The following DENND5B variants were observed in gnomAD, a reference collection of about 807,000 sequenced individuals.
DENND5B encodes DENN domain containing 5B.
A neutral mutation model predicts 140.6 loss-of-function variants in DENND5B; 34 were observed. That is an observed-to-expected ratio of 0.24 (90% CI 0.18 to 0.32). The LOEUF (loss-of-function observed/expected upper bound fraction) is 0.32. Ranked by LOEUF, DENND5B falls within the 10% of genes least tolerant of loss-of-function variation. The probability of loss-of-function intolerance (pLI) is 1.00; values close to 1 mark genes in which losing one functional copy is unlikely to be tolerated. For synonymous variants in DENND5B, 551 were observed against 562.1 expected, an observed-to-expected ratio of 0.98 and a Z score of 0.28; for missense variants, 1,142 against 1,560.2, an observed-to-expected ratio of 0.73 and a Z score of 4.52.
intron 1 of DENND5B, among the ~76,000 whole-genome samples, chr12:31,529,561 A>C (rs192959202): frequency 4.6e-5 from 7 of 152,224 alleles, no homozygotes; most frequent in Non-Finnish European, 8.8e-5. Context: ...TAGGCTGGGC[A>C]CGGTGGCTCA....
At chr12:31,460,002 GT>G (rs1239944362) in intron 4 of DENND5B, among the ~76,000 whole-genome samples, 191 bp downstream of exon 4, 1 of 152,174 alleles carries the variant, frequency 6.6e-6, no homozygotes, top group Non-Finnish European at 1.5e-5. Flanking sequence ...TTTAAACCAG[GT>G]TTAATGACTA....
In DENND5B at chr12:31,382,722, T is replaced by G. The variant is rs867264517; in HGVS notation, c.*4881A>C. 1.3e-5 allele frequency: 2 copies of G among 152,038 alleles called. No homozygotes were observed. Among genetic ancestry groups the G allele is most frequent in the Non-Finnish European group, 2.9e-5 (2 of 67,990 alleles). The allele number at this position is 152,038 out of a possible 1,614,324, so 9.4% of individuals were successfully genotyped here. On this transcript the variant is annotated 3_prime_UTR_variant, in exon 21 of 21. Transcript: ENST00000389082. ...AGGAAAAATTTTATTTGAGGTTTTT[T>G]TTTTTTCCTCTAGCTTGATGTGATA...
intron 1 of DENND5B, among the ~76,000 whole-genome samples, chr12:31,570,513 G>C (rs531018525): frequency 2.9e-4 from 44 of 149,774 alleles, no homozygotes; most frequent in Non-Finnish European, 6.0e-4. Context: ...TCCTGACCTC[G>C]TGATCCACCC....
intron 1 of DENND5B, among the ~76,000 whole-genome samples, chr12:31,535,709 A>T (rs1220185351): frequency 6.6e-6 from 1 of 152,208 alleles, no homozygotes; most frequent in Non-Finnish European, 1.5e-5. Flanking sequence ...CAAAGACTAC[A>T]GTAAATACCT....
intron 1 of DENND5B, among the ~76,000 whole-genome samples, chr12:31,497,294 T>C (rs973857511): frequency 5.3e-5 from 8 of 152,240 alleles, no homozygotes; most frequent in African/African-American, 1.2e-4. Flanking sequence ...TAATGATCAT[T>C]ATTTTCTTTA....
intron 1 of DENND5B, among the ~76,000 whole-genome samples, chr12:31,541,772 C>T (rs1042717478): frequency 3.9e-5 from 6 of 152,266 alleles, no homozygotes; most frequent in Admixed American, 6.5e-5. Context: ...GCACTATTCA[C>T]AATAGCTAAG....
intron 1 of DENND5B, among the ~76,000 whole-genome samples, chr12:31,538,001 A>G (rs563453343): frequency 6.6e-6 from 1 of 152,330 alleles, no homozygotes; most frequent in Admixed American, 6.5e-5. Flanking sequence ...ACCCAGATAC[A>G]TAAAGCAAAT....
At position 31,508,534 on chromosome 12, in the gene DENND5B, T is replaced by C. The variant is rs1947291582; in HGVS notation, c.128-12615A>G. Reference sequence around the variant, plus strand: ...TGAAATTATCCTAACATGAGCAAACTGGGCTAAATATGTTAGAAACGAGAC... The same window carrying C: ...TGAAATTATCCTAACATGAGCAAACCGGGCTAAATATGTTAGAAACGAGAC... On this transcript the variant is annotated intron_variant, in intron 1 of 20. Transcript: ENST00000389082. Among the ~76,000 whole-genome samples the C allele has an allele frequency of 2.0e-5, 3 of 152,292 alleles. 1 individual carries two copies. In the South Asian group the frequency reaches 6.2e-4, roughly 32 times the overall value.
At chr12:31,531,555 T>C (rs1215973934) in intron 1 of DENND5B, among the ~76,000 whole-genome samples, 3 of 152,224 alleles carry the variant, frequency 2.0e-5, no homozygotes, top group East Asian at 1.9e-4. Flanking sequence ...GATTTTTTTT[T>C]CTGAGATGAA....
Position 31,580,405 on chromosome 12 carries a change from C to A in DENND5B, c.127+10301G>T, listed in dbSNP as rs1415575719. On this transcript the variant is annotated intron_variant, in intron 1 of 20. Transcript: ENST00000389082. ...CTGTTAGATACCTTTTTTTAGAAAT[C>A]ATTTATCCATTATCTTGCTTTTTCA... Among the ~76,000 whole-genome samples the A allele has an allele frequency of 4.6e-5, 7 of 152,140 alleles. No individual in the cohort carries two copies. In the East Asian group the frequency reaches 1.2e-3, roughly 25 times the overall value.
chr12:31,578,126 CAAAAAAAAAAAAAAA>C (rs5797421), intron 1 of DENND5B, among the ~76,000 whole-genome samples: 3 of 77,354 alleles, frequency 3.9e-5, no homozygotes, highest in Admixed American at 1.7e-4. Context: ...GACGCTGTCT[CAAAAAAAAAAAAAAA>C]AAAAAAAAAA....
chr12:31,438,056 A>C (rs994756080), intron 7 of DENND5B, among the ~76,000 whole-genome samples: 29 of 152,260 alleles, frequency 1.9e-4, no homozygotes, highest in African/African-American at 7.0e-4. Flanking sequence ...ATCTCAGCTC[A>C]CTGCAACCTC....
chr12:31,493,686 C>G (rs1449855357), intron 2 of DENND5B, among the ~76,000 whole-genome samples: 2 of 152,158 alleles, frequency 1.3e-5, no homozygotes, highest in Non-Finnish European at 2.9e-5. Flanking sequence ...AAAAGATTAG[C>G]TGGGCATAGT....
At chr12:31,427,213 T>C (rs1943279830) in intron 8 of DENND5B, among the ~76,000 whole-genome samples, 1 of 152,168 alleles carries the variant, frequency 6.6e-6, no homozygotes, top group South Asian at 2.1e-4. Flanking sequence ...CTTAACCAAA[T>C]GCTCTTGAGC....
At chr12:31,438,227 C>T (rs1943865061) in intron 7 of DENND5B, among the ~76,000 whole-genome samples, 2 of 152,208 alleles carry the variant, frequency 1.3e-5, no homozygotes, top group Admixed American at 6.5e-5. Context: ...CCTGTCTTGG[C>T]CTCCCAAACT....
chr12:31,568,439 T>G (rs377055261), intron 1 of DENND5B, among the ~76,000 whole-genome samples: 1 of 152,216 alleles, frequency 6.6e-6, no homozygotes, highest in Non-Finnish European at 1.5e-5. Context: ...ACTAGCTATA[T>G]AGTTTTCATC....
intron 8 of DENND5B, chr12:31,432,532 A>C (rs1943553695): frequency 6.6e-6 from 1 of 152,206 alleles, no homozygotes; most frequent in Non-Finnish European, 1.5e-5. Context: ...TGGGAGGCTG[A>C]GGCAGGAGCA....
At chr12:31,496,333 G>A (rs1370893729) in intron 1 of DENND5B, among the ~76,000 whole-genome samples, 1 of 152,122 alleles carries the variant, frequency 6.6e-6, no homozygotes, top group African/African-American at 2.4e-5. Context: ...ATGCTACAGT[G>A]CTCAAAGGAA....
intron 3 of DENND5B, among the ~76,000 whole-genome samples, chr12:31,476,842 C>A (rs1461451122): frequency 1.3e-5 from 2 of 152,134 alleles, no homozygotes; most frequent in Non-Finnish European, 2.9e-5. Context: ...TTCTTTCTAA[C>A]CCAAATTGCT....
Sources: gnomAD v4.1 joint callset for allele counts (sites outside exome capture counted in the v4.1 genomes callset) on GRCh38, gnomAD v4.1.1 for gene constraint, MANE v1.5 for transcripts, NCBI Gene and HGNC (gene_info 2026-07-23, HGNC 2026-07-21) for gene names.